RBPMS: variants seen among roughly 807,000 people sequenced by gnomAD.
The protein encoded by RBPMS is RNA-binding protein with multiple splicing.
A neutral mutation model predicts 26.8 loss-of-function variants in RBPMS; 7 were observed. The observed-to-expected ratio is 0.26, with a 90% CI of 0.15 to 0.49. The LOEUF (loss-of-function observed/expected upper bound fraction) is 0.49, where lower values mean the gene tolerates loss of function less well. Ranked by LOEUF, RBPMS falls within the 20% of genes least tolerant of loss-of-function variation. The pLI, the probability that RBPMS is intolerant of heterozygous loss-of-function variation, is 0.98. For missense variants in RBPMS, 186 were observed against 250.0 expected (o/e 0.74, Z 1.73); for synonymous variants, 96 against 93.3 (o/e 1.03, Z -0.17).
intron 1 of RBPMS, among the ~76,000 whole-genome samples, chr8:30,421,189 G>A (rs558388124): frequency 6.6e-6 from 1 of 152,160 alleles, no homozygotes; most frequent in East Asian, 1.9e-4. Context: ...GTGTGTGAGT[G>A]TGCGCATGAG....
intron 6 of RBPMS, among the ~76,000 whole-genome samples, chr8:30,551,989 C>T (rs1015882389): frequency 3.3e-5 from 5 of 152,138 alleles, no homozygotes; most frequent in African/African-American, 1.2e-4. Flanking sequence ...TGTCAGGATT[C>T]GATCTGGTGT....
chr8:30,423,530 T>C (rs1360749167), intron 1 of RBPMS, among the ~76,000 whole-genome samples: 2 of 152,060 alleles, frequency 1.3e-5, no homozygotes, highest in Non-Finnish European at 2.9e-5. Flanking sequence ...CCATCTATTG[T>C]AGGAGTAACG....
chr8:30,473,324 G>T (rs1426955253), intron 1 of RBPMS, among the ~76,000 whole-genome samples: 2 of 152,106 alleles, frequency 1.3e-5, no homozygotes, highest in Non-Finnish European at 2.9e-5. Flanking sequence ...CCATCCTTTC[G>T]ATTCTTACTC....
intron 6 of RBPMS, chr8:30,555,865 C>T: frequency 1.0e-6 from 1 of 985,388 alleles, no homozygotes. Flanking sequence ...AGAACCCTCT[C>T]CTCATTACCC....
intron 5 of RBPMS, among the ~76,000 whole-genome samples, chr8:30,536,425 C>A (rs771804562): frequency 5.3e-5 from 8 of 152,124 alleles, no homozygotes; most frequent in Non-Finnish European, 1.0e-4. Flanking sequence ...CCGCGCCTGG[C>A]GAGATCATCT....
At chr8:30,511,015 A>C (rs559055484) in intron 5 of RBPMS, among the ~76,000 whole-genome samples, 1 of 151,936 alleles carries the variant, frequency 6.6e-6, no homozygotes, top group African/African-American at 2.4e-5. Context: ...TCAACTTCTT[A>C]TTGAAAAAAA....
chr8:30,569,588 T>G (rs1828130294), intron 8 of RBPMS, among the ~76,000 whole-genome samples: 1 of 152,168 alleles, frequency 6.6e-6, no homozygotes, highest in African/African-American at 2.4e-5. Context: ...TGGAAGCCAC[T>G]GGAAAGATGA....
At chr8:30,410,638 G>C (rs1809256601) in intron 1 of RBPMS, among the ~76,000 whole-genome samples, 1 of 151,120 alleles carries the variant, frequency 6.6e-6, no homozygotes, top group Non-Finnish European at 1.5e-5. Flanking sequence ...TATATTTCCA[G>C]CACCTGACCA....
Position 30,432,754 on chromosome 8 carries a change from C to T in RBPMS, c.67-42025C>T, listed in dbSNP as rs556843547. Among the ~76,000 whole-genome samples, 11 of 152,162 alleles carry T rather than the reference C, an allele frequency of 7.2e-5. No homozygotes were observed. In the South Asian group the frequency reaches 2.3e-3, roughly 32 times the overall value. ...CTCATTCATAACTGTGCAGTAGTTT[C>T]GATTTATTCTTTGTTATTGTTGACC... On this transcript the variant is annotated intron_variant, in intron 1 of 8. Coordinates refer to ENST00000397323, the MANE Select transcript of RBPMS (RefSeq NM_001008710.3).
intron 5 of RBPMS, among the ~76,000 whole-genome samples, chr8:30,524,470 G>C (rs112527126): frequency 0.01 from 1,564 of 152,196 alleles, 17 homozygotes; most frequent in African/African-American, 0.032. Context: ...CAGCTATTCA[G>C]TACAATACTC....
At chr8:30,494,829 G>A (rs1210572095) in intron 4 of RBPMS, among the ~76,000 whole-genome samples, 4 of 152,202 alleles carry the variant, frequency 2.6e-5, no homozygotes, top group Non-Finnish European at 5.9e-5. Context: ...TTCGGGGGCA[G>A]ACATGAGGTT....
chr8:30,562,068 C>G (rs1209146483), intron 7 of RBPMS: 6 of 982,484 alleles, frequency 6.1e-6, no homozygotes, highest in Non-Finnish European at 7.3e-6. Flanking sequence ...CAGTGCCTCA[C>G]GCCTGTCATC....
intron 8 of RBPMS, among the ~76,000 whole-genome samples, chr8:30,567,733 A>C (rs1827997881): frequency 6.6e-6 from 1 of 152,206 alleles, no homozygotes. Flanking sequence ...CAGGAGACAG[A>C]AAAGAGGGGA....
At chr8:30,431,831 A>G (rs1053958166) in intron 1 of RBPMS, among the ~76,000 whole-genome samples, 2 of 152,006 alleles carry the variant, frequency 1.3e-5, no homozygotes, top group Admixed American at 6.6e-5. Flanking sequence ...AGTTTAAAAC[A>G]TTATTTGGGC....
At chr8:30,547,289 T>C (rs751504075) in intron 6 of RBPMS, 14 of 1,582,082 alleles carry the variant, frequency 8.8e-6, no homozygotes, top group Non-Finnish European at 1.2e-5. Flanking sequence ...TTTTTTCTTC[T>C]AGTGTTTCTC....
chr8:30,473,999 G>C (rs1290982044), intron 1 of RBPMS, among the ~76,000 whole-genome samples: 1 of 152,102 alleles, frequency 6.6e-6, no homozygotes, highest in Non-Finnish European at 1.5e-5. Flanking sequence ...TAATACCCAG[G>C]TGATAGGTTG....
At chr8:30,445,883 T>C (rs1813703970) in intron 1 of RBPMS, among the ~76,000 whole-genome samples, 1 of 152,028 alleles carries the variant, frequency 6.6e-6, no homozygotes, top group Admixed American at 6.6e-5. Flanking sequence ...CAGGCTGTTC[T>C]GGAACTCCTG....
chr8:30,420,499 A>G (rs1028951897), intron 1 of RBPMS, among the ~76,000 whole-genome samples: 4 of 152,176 alleles, frequency 2.6e-5, no homozygotes, highest in African/African-American at 9.7e-5. Flanking sequence ...GTTAAAAGAG[A>G]CAAATCACCA....
Position 30,516,554 on chromosome 8 carries a change from C to T in RBPMS, c.397+12118C>T, listed in dbSNP as rs538093804. Among the ~76,000 whole-genome samples the T allele has an allele frequency of 4.6e-5, 7 of 152,218 alleles. No individual in the cohort carries two copies. In the East Asian group the frequency reaches 1.3e-3, roughly 29 times the overall value. Reference sequence around the variant, plus strand: ...TAGTACCTCCTTGGGAGACTCTACCCAAGTATCTTTCACAAATGCCCAATT... The same window carrying T: ...TAGTACCTCCTTGGGAGACTCTACCTAAGTATCTTTCACAAATGCCCAATT... On this transcript the variant is annotated intron_variant, in intron 5 of 8. Transcript: ENST00000397323.
Sources: allele counts gnomAD v4.1 joint callset (sites outside exome capture counted in the v4.1 genomes callset), GRCh38; gene constraint gnomAD v4.1.1; transcripts MANE v1.5; gene names NCBI Gene and HGNC (gene_info 2026-07-23, HGNC 2026-07-21).